Variants in FBXL17 observed in about 807,000 individuals in gnomAD.
The protein encoded by FBXL17 is F-box and leucine rich repeat protein 17, also known as F-box/LRR-repeat protein 17.
A neutral mutation model predicts 66.2 loss-of-function variants in FBXL17; 22 were observed. That is an observed-to-expected ratio of 0.33 (90% CI 0.24 to 0.47). FBXL17 has a LOEUF of 0.47. Among genes scored for constraint, FBXL17 ranks in the 20% least tolerant of loss-of-function variants. The pLI, the probability that FBXL17 is intolerant of heterozygous loss-of-function variation, is 1.00. For missense variants in FBXL17, 878 were observed against 948.2 expected, an observed-to-expected ratio of 0.93 and a Z score of 0.97; for synonymous variants, 474 against 400.5, an observed-to-expected ratio of 1.18 and a Z score of -2.19.
intron 4 of FBXL17, among the ~76,000 whole-genome samples, chr5:108,319,258 T>A (rs1759509568): frequency 6.6e-6 from 1 of 151,890 alleles, no homozygotes; most frequent in African/African-American, 2.4e-5. Context: ...TACCAAGTCA[T>A]TCCCATTAAA....
At chr5:108,151,809 C>CA (rs1364011861) in intron 6 of FBXL17, among the ~76,000 whole-genome samples, 3 of 152,170 alleles carry the variant, frequency 2.0e-5, no homozygotes, top group Non-Finnish European at 4.4e-5. Context: ...GGATGATCGA[C>CA]ACGCATTAAT....
chr5:108,054,444 G>A (rs1241857229), intron 6 of FBXL17, among the ~76,000 whole-genome samples: 1 of 152,000 alleles, frequency 6.6e-6, no homozygotes, highest in African/African-American at 2.4e-5. Context: ...ACTCCTCACA[G>A]AGTTTCCACT....
chr5:108,167,039 G>A (rs1368887313), intron 6 of FBXL17, among the ~76,000 whole-genome samples: 1 of 152,014 alleles, frequency 6.6e-6, no homozygotes, highest in Non-Finnish European at 1.5e-5. Flanking sequence ...TTTTATGGCA[G>A]CATAAAATAT....
At chr5:107,935,473 C>T (rs1454758929) in intron 7 of FBXL17, among the ~76,000 whole-genome samples, 1 of 151,078 alleles carries the variant, frequency 6.6e-6, no homozygotes, top group African/African-American at 2.4e-5. Context: ...TTGTGTTTAA[C>T]GTCTTTTAAA....
Position 108,381,189 on chromosome 5 carries a change from CGCACCGGCCCCAAGCTGGCCAGGAAGA to C in FBXL17, c.476_502del (p.Leu159_Val167del). 2.8e-6 allele frequency: 4 copies of C among 1,435,560 alleles called. No individual in the cohort carries two copies. Among genetic ancestry groups the C allele is most frequent in the Non-Finnish European group, 3.6e-6 (4 of 1,096,448 alleles). 88.9% of individuals were successfully genotyped at this position (1,435,560 alleles called of 1,614,324 possible). A position where few individuals can be genotyped will look rare whatever the true frequency, so the allele number is the denominator to read the frequency against. On this transcript the variant is annotated inframe_deletion, in exon 1 of 9. Coordinates refer to ENST00000542267, the MANE Select transcript of FBXL17 (RefSeq NM_001163315.3). ...CACGGCGGCGGGCGGCCCCAGGAAG[CGCACCGGCCCCAAGCTGGCCAGGAAGA>C]GACTTCGGCCCTGCTGCTCCCAGGC...
At chr5:108,200,934 G>A (rs1244645180) in intron 5 of FBXL17, among the ~76,000 whole-genome samples, 1 of 152,058 alleles carries the variant, frequency 6.6e-6, no homozygotes, top group African/African-American at 2.4e-5. Context: ...AGAGAAGCGG[G>A]ATCTCAAAAC....
At chr5:107,928,246 T>C (rs1433716175) in intron 7 of FBXL17, among the ~76,000 whole-genome samples, 1 of 152,032 alleles carries the variant, frequency 6.6e-6, no homozygotes, top group Non-Finnish European at 1.5e-5. Flanking sequence ...GGTTTTTCAC[T>C]AAGATTAAAG....
At chr5:108,250,321 T>G (rs1471178339) in intron 4 of FBXL17, among the ~76,000 whole-genome samples, 1 of 152,260 alleles carries the variant, frequency 6.6e-6, no homozygotes, top group African/African-American at 2.4e-5. Flanking sequence ...AGAAGACCAA[T>G]TCTCCTTTTT....
chr5:108,330,018 G>C (rs1760047474), intron 4 of FBXL17, among the ~76,000 whole-genome samples: 1 of 152,136 alleles, frequency 6.6e-6, no homozygotes, highest in Admixed American at 6.6e-5. Context: ...CTTCATATGT[G>C]GTTAGTATTC....
chr5:107,978,650 G>C (rs1223478187), intron 7 of FBXL17, among the ~76,000 whole-genome samples: 1 of 152,080 alleles, frequency 6.6e-6, no homozygotes, highest in East Asian at 1.9e-4. Context: ...CAGTGCATGA[G>C]GACCATTTTC....
intron 6 of FBXL17, among the ~76,000 whole-genome samples, chr5:108,049,233 C>T (rs377712386): frequency 2.0e-5 from 3 of 152,090 alleles, no homozygotes; most frequent in African/African-American, 7.2e-5. Flanking sequence ...ACCTCTGCCT[C>T]CCAGGTTCAA....
chr5:108,260,169 A>G (rs1337850291), intron 4 of FBXL17, among the ~76,000 whole-genome samples: 1 of 152,124 alleles, frequency 6.6e-6, no homozygotes, highest in Non-Finnish European at 1.5e-5. Flanking sequence ...TCACCACGGC[A>G]TGGGCATTGG....
intron 7 of FBXL17, among the ~76,000 whole-genome samples, chr5:107,942,899 C>T (rs1037578018): frequency 1.3e-5 from 2 of 152,156 alleles, no homozygotes. Flanking sequence ...CTTCATCATG[C>T]TGACTGCTCT....
At chr5:107,876,102 T>C (rs984044519) in intron 8 of FBXL17, among the ~76,000 whole-genome samples, 2 of 152,226 alleles carry the variant, frequency 1.3e-5, no homozygotes, top group Non-Finnish European at 2.9e-5. Context: ...TCCAGGCGCC[T>C]CTACTGGCCA....
At chr5:108,104,405 A>G (rs6873810) in intron 6 of FBXL17, among the ~76,000 whole-genome samples, 4,584 of 152,330 alleles carry the variant, frequency 0.03, 212 homozygotes, top group African/African-American at 0.1. Flanking sequence ...AAGATTACCT[A>G]TAGTGAAAAT....
intron 1 of FBXL17, among the ~76,000 whole-genome samples, chr5:108,370,233 C>T (rs1748936816): frequency 6.6e-6 from 1 of 152,070 alleles, no homozygotes; most frequent in Admixed American, 6.5e-5. Context: ...CATTATAACA[C>T]AATGATGTTG....
chr5:108,172,833 T>G (rs1329591763), intron 6 of FBXL17, among the ~76,000 whole-genome samples: 1 of 152,172 alleles, frequency 6.6e-6, no homozygotes, highest in Admixed American at 6.5e-5. Context: ...GGAGTTTAGC[T>G]CTTGTTGCCC....
intron 6 of FBXL17, among the ~76,000 whole-genome samples, chr5:108,079,195 A>AT (rs1352380565): frequency 7.0e-6 from 1 of 142,516 alleles, no homozygotes; most frequent in African/African-American, 2.6e-5. Flanking sequence ...TTGTGAGTTG[A>AT]TTTTTTTAGC....
chr5:108,002,871 T>C (rs1753790126), intron 7 of FBXL17, among the ~76,000 whole-genome samples: 1 of 152,204 alleles, frequency 6.6e-6, no homozygotes, highest in South Asian at 2.1e-4. Context: ...CTAATCTATA[T>C]AGACAGTGAA....
Sources: gnomAD v4.1 joint callset for allele counts (sites outside exome capture counted in the v4.1 genomes callset) on GRCh38, gnomAD v4.1.1 for gene constraint, MANE v1.5 for transcripts, NCBI Gene and HGNC (gene_info 2026-07-23, HGNC 2026-07-21) for gene names.